Variants in BLM observed in about 807,000 individuals in gnomAD.
The protein encoded by BLM is recQ-like DNA helicase BLM.
In BLM, 95 loss-of-function variants were observed where a neutral mutation model predicts 135.3. That is an observed-to-expected ratio of 0.70 (90% CI 0.59 to 0.83). BLM has a LOEUF of 0.83. Among genes scored for constraint, BLM ranks in the 40% least tolerant of loss-of-function variants. BLM has a pLI of 0.00. For synonymous variants in BLM, 520 were observed against 589.2 expected, an observed-to-expected ratio of 0.88 and a Z score of 1.70; for missense variants, 1,518 against 1,663.9, an observed-to-expected ratio of 0.91 and a Z score of 1.53.
intron 17 of BLM, among the ~76,000 whole-genome samples, chr15:90,801,404 AG>A (rs940928090): frequency 6.6e-6 from 1 of 151,562 alleles, no homozygotes; most frequent in African/African-American, 2.4e-5. Flanking sequence ...TAAAAGTAAA[AG>A]AAGGCATACA....
chr15:90,720,184 G>A (rs112965611), intron 1 of BLM, among the ~76,000 whole-genome samples: 2,441 of 152,196 alleles, frequency 0.016, 69 homozygotes, highest in African/African-American at 0.055. Context: ...TAGTCTATAA[G>A]CTCCTTGAAG....
At chr15:90,782,551 G>T (rs1896642436) in intron 12 of BLM, among the ~76,000 whole-genome samples, 1 of 152,192 alleles carries the variant, frequency 6.6e-6, no homozygotes, top group African/African-American at 2.4e-5. Context: ...CAAGTCAGAT[G>T]AAGTCCCTCT....
intron 14 of BLM, chr15:90,790,275 T>G (rs2151184160): frequency 6.3e-6 from 2 of 315,356 alleles, no homozygotes; most frequent in South Asian, 5.9e-5. Context: ...TTGTGATCAC[T>G]GACCTGGATA....
At chr15:90,742,166 G>A (rs1895379820) in intron 1 of BLM, among the ~76,000 whole-genome samples, 1 of 152,012 alleles carries the variant, frequency 6.6e-6, no homozygotes, top group Admixed American at 6.6e-5. Context: ...CCCCAGTTAA[G>A]GTAAAGCTGA....
chr15:90,810,539 G>C (rs7172314), intron 20 of BLM, among the ~76,000 whole-genome samples: 98,008 of 151,984 alleles, frequency 0.64, 31,935 homozygotes, highest in East Asian at 0.81. Flanking sequence ...CCCCGTGTGA[G>C]CTATCTATAG....
chr15:90,774,944 T>C (rs1896433839), intron 12 of BLM, among the ~76,000 whole-genome samples: 1 of 151,906 alleles, frequency 6.6e-6, no homozygotes, highest in South Asian at 2.1e-4. Context: ...CATATAACGA[T>C]GGTAAAATGT....
chr15:90,740,850 C>A (rs1237231321), intron 1 of BLM, among the ~76,000 whole-genome samples: 2 of 152,222 alleles, frequency 1.3e-5, no homozygotes, highest in East Asian at 3.8e-4. Flanking sequence ...GCCTTTGCCC[C>A]TCCTTTGCCT....
At chr15:90,794,036 G>A (rs1896967993) in intron 15 of BLM, 131 bp from the exon 16 acceptor site, 1 of 573,808 alleles carries the variant, frequency 1.7e-6, no homozygotes, top group Non-Finnish European at 2.9e-6. Context: ...AGAATGCCAT[G>A]TTGACAATGC....
At chr15:90,757,008 A>G (rs1895836761) in intron 5 of BLM, among the ~76,000 whole-genome samples, 1 of 152,230 alleles carries the variant, frequency 6.6e-6, no homozygotes, top group African/African-American at 2.4e-5. Flanking sequence ...CAGGCCTTTC[A>G]TAAATGATAA....
chr15:90,739,365 C>T (rs1895303927), intron 1 of BLM, among the ~76,000 whole-genome samples: 1 of 152,120 alleles, frequency 6.6e-6, no homozygotes, highest in Non-Finnish European at 1.5e-5. Context: ...TGCGCCACTG[C>T]ACCCCAGCCT....
intron 12 of BLM, among the ~76,000 whole-genome samples, chr15:90,770,262 C>T (rs1567046009): frequency 6.6e-6 from 1 of 150,758 alleles, no homozygotes; most frequent in Non-Finnish European, 1.5e-5. Context: ...CGAGTTCTGC[C>T]TCCCGGGGTT....
chr15:90,740,685 C>G (rs1895340440), intron 1 of BLM, among the ~76,000 whole-genome samples: 1 of 152,116 alleles, frequency 6.6e-6, no homozygotes, highest in Admixed American at 6.5e-5. Flanking sequence ...CCCATAATCC[C>G]CATGTGTCAT....
In BLM at chr15:90,747,381, C is replaced by A. The variant is rs1280917456; in HGVS notation, c.-4-8C>A. On this transcript the variant is annotated splice_polypyrimidine_tract_variant and splice_region_variant and intron_variant, in intron 1 of 21. Transcript: ENST00000355112. The stretch of plus-strand genomic sequence containing the variant: ...ACTCCACTGATTTCTTTTTCCCTCA[C>A]TTTTTAGGATTATGGCTGCTGTTCC... 1 of 1,596,800 alleles carries A rather than the reference C, an allele frequency of 6.3e-7. No homozygotes were observed. The highest frequency in any genetic ancestry group is 1.1e-5 in the South Asian group (1 of 89,606).
rs1895601341 is a variant in BLM at position 90,749,414 on chromosome 15, T to C, written c.146T>C (p.Val49Ala). 6.2e-7 allele frequency: 1 copy of C among 1,609,600 alleles called. No homozygotes were observed. Among genetic ancestry groups the C allele is most frequent in the Non-Finnish European group, 8.5e-7 (1 of 1,176,002 alleles). ...ACATCTTCAGATAACAATGTATCTG[T>C]AACTAATGTGTCAGTAGCAAAAACA... ...KKTSSDNNVS[V>A]TNVSVAKTPV... is the part of the protein sequence containing the mutation. The change falls in exon 3 of 22, where the codon GTA becomes GCA. Residue 49 changes from valine to alanine, a missense_variant. This residue lies in a region of BLM where 724 missense variants were observed against 756.9 expected (regional missense o/e 0.96). Coordinates refer to ENST00000355112, the MANE Select transcript of BLM (RefSeq NM_000057.4).
intron 15 of BLM, chr15:90,793,674 T>A (rs1054324613): frequency 6.6e-6 from 1 of 152,506 alleles, no homozygotes; most frequent in Non-Finnish European, 1.5e-5. Flanking sequence ...GCTAATAATT[T>A]GGGTGATGTT....
chr15:90,785,347 G>A (rs1269336131), intron 14 of BLM, among the ~76,000 whole-genome samples: 1 of 151,974 alleles, frequency 6.6e-6, no homozygotes, highest in African/African-American at 2.4e-5. Context: ...TTGCAAAGTT[G>A]TACAATAATC....
chr15:90,763,944 A>G (rs1567042619), intron 8 of BLM, among the ~76,000 whole-genome samples: 1 of 152,312 alleles, frequency 6.6e-6, no homozygotes, highest in East Asian at 1.9e-4. Context: ...TAGTGCTGTC[A>G]TTATTGTATA....
In BLM at chr15:90,803,557, GA is replaced by G. The variant is rs2151194205; in HGVS notation, c.3399del (p.Gly1134AspfsTer16). The G allele has an allele frequency of 1.9e-6, 3 of 1,613,800 alleles. No homozygotes were observed. The highest frequency in any genetic ancestry group is 2.5e-6 in the Non-Finnish European group (3 of 1,179,776). ...KSAKIQSGIF[G>X]KGSAYSRHNA... is the part of the protein sequence containing the mutation. ...GCAAAAATCCAGTCAGGTATATTTG[GA>G]AAAGGATCTGCTTATTCACGACACA... On this transcript the variant is annotated frameshift_variant, in exon 18 of 22. Transcript: ENST00000355112. LOFTEE classifies it high-confidence loss of function.
Position 90,798,216 on chromosome 15 carries a change from C to A in BLM, c.3237C>A (p.Asp1079Glu). The change falls in exon 17 of 22, where the codon GAC becomes GAA. Residue 1079 changes from aspartate to glutamate, a missense_variant. By Grantham distance (45) the Asp-to-Glu change is conservative. Coordinates refer to ENST00000355112, the MANE Select transcript of BLM (RefSeq NM_000057.4). ...TKDYKTRDVTDDVKSIVRFVQ... is the reference protein window; with the variant it reads ...TKDYKTRDVTEDVKSIVRFVQ... ...ATTATAAAACAAGAGATGTGACTGA[C>A]GATGTGAAAAGTATTGTAAGATTTG... The A allele has an allele frequency of 6.2e-7, 1 of 1,608,000 alleles. No individual in the cohort carries two copies. The highest frequency in any genetic ancestry group is 8.5e-7 in the Non-Finnish European group (1 of 1,175,422).
Sources: gnomAD v4.1 joint callset for allele counts (sites outside exome capture counted in the v4.1 genomes callset) on GRCh38, gnomAD v4.1.1 for gene constraint, gnomAD v4.1.1 regional missense constraint, MANE v1.5 for transcripts, NCBI Gene and HGNC (gene_info 2026-07-23, HGNC 2026-07-21) for gene names.